RALYL: variants seen among roughly 807,000 people sequenced by gnomAD.
The protein encoded by RALYL is RALY RNA binding protein like.
RALYL carries 29 observed loss-of-function variants against 35.1 expected under a neutral mutation model. That is an observed-to-expected ratio of 0.83 (90% CI 0.61 to 1.13). The LOEUF (loss-of-function observed/expected upper bound fraction) is 1.13, where lower values mean the gene tolerates loss of function less well. Among genes scored for constraint, RALYL ranks in the 50% most tolerant of loss-of-function variants. The pLI is 0.00. For synonymous variants in RALYL, 120 were observed against 127.6 expected (o/e 0.94, Z 0.40); for missense variants, 359 against 360.4 (o/e 1.00, Z 0.03).
chr8:84,757,827 C>A (rs531533520), intron 2 of RALYL, among the ~76,000 whole-genome samples: 3 of 152,118 alleles, frequency 2.0e-5, no homozygotes, highest in Non-Finnish European at 4.4e-5. Flanking sequence ...ATATGGTAGG[C>A]TGGAAGTCAT....
chr8:84,687,957 A>G (rs535585757), intron 2 of RALYL, among the ~76,000 whole-genome samples: 7 of 152,120 alleles, frequency 4.6e-5, no homozygotes, highest in South Asian at 2.1e-4. Flanking sequence ...CAGAAATAAT[A>G]TGAGAAAGAT....
At chr8:84,754,491 A>C (rs1810902585) in intron 2 of RALYL, among the ~76,000 whole-genome samples, 1 of 152,300 alleles carries the variant, frequency 6.6e-6, no homozygotes, top group East Asian at 1.9e-4. Context: ...TTCTCCAGGT[A>C]GCATCAGATA....
intron 2 of RALYL, among the ~76,000 whole-genome samples, chr8:84,715,098 A>G (rs1417745118): frequency 1.3e-5 from 2 of 151,968 alleles, no homozygotes; most frequent in African/African-American, 2.4e-5. Flanking sequence ...TATTATAAGC[A>G]TTTGAATTCT....
At chr8:84,691,099 A>C (rs1438080242) in intron 2 of RALYL, among the ~76,000 whole-genome samples, 1 of 152,114 alleles carries the variant, frequency 6.6e-6, no homozygotes, top group Non-Finnish European at 1.5e-5. Flanking sequence ...TGTTTGAAGA[A>C]TTTCCACATG....
At chr8:84,585,552 A>G (rs1023011014) in intron 2 of RALYL, among the ~76,000 whole-genome samples, 4 of 152,110 alleles carry the variant, frequency 2.6e-5, no homozygotes, top group Admixed American at 2.0e-4. Flanking sequence ...TTCAATAATT[A>G]TTGTTTTTCA....
intron 4 of RALYL, among the ~76,000 whole-genome samples, chr8:84,840,371 G>T (rs1360735542): frequency 6.6e-6 from 1 of 152,196 alleles, no homozygotes; most frequent in Non-Finnish European, 1.5e-5. Flanking sequence ...GGGTATCAGT[G>T]ATGGAAGATC....
intron 1 of RALYL, among the ~76,000 whole-genome samples, chr8:84,248,812 TG>T (rs1417906688): frequency 6.6e-6 from 1 of 152,110 alleles, no homozygotes; most frequent in African/African-American, 2.4e-5. Flanking sequence ...AGTTTCATTT[TG>T]TGGAAGGATT....
At chr8:84,678,367 G>T (rs1834651469) in intron 2 of RALYL, among the ~76,000 whole-genome samples, 1 of 152,014 alleles carries the variant, frequency 6.6e-6, no homozygotes, top group African/African-American at 2.4e-5. Flanking sequence ...AGGTTCAAGC[G>T]ATTCTCCTGC....
intron 2 of RALYL, among the ~76,000 whole-genome samples, chr8:84,654,056 G>A (rs1054147695): frequency 6.1e-5 from 9 of 148,110 alleles, no homozygotes; most frequent in Admixed American, 3.4e-4. Flanking sequence ...TTGTGGATAC[G>A]TAGTATATGT....
chr8:84,663,842 T>C (rs1236125701), intron 2 of RALYL, among the ~76,000 whole-genome samples: 3 of 152,206 alleles, frequency 2.0e-5, no homozygotes, highest in African/African-American at 7.2e-5. Context: ...TTTTCAATTT[T>C]TGCTTTTGTT....
chr8:84,431,471 T>C (rs1587185673), intron 1 of RALYL, among the ~76,000 whole-genome samples: 1 of 152,092 alleles, frequency 6.6e-6, no homozygotes, highest in African/African-American at 2.4e-5. Flanking sequence ...AGGATGGCTA[T>C]TATCAAAAAA....
At chr8:84,468,050 A>G (rs1276098359) in intron 1 of RALYL, among the ~76,000 whole-genome samples, 1 of 148,870 alleles carries the variant, frequency 6.7e-6, no homozygotes, top group East Asian at 1.9e-4. Context: ...TGCATGTGAG[A>G]TGGGTTTCCT....
chr8:84,505,501 G>A (rs1300937331), intron 1 of RALYL, among the ~76,000 whole-genome samples: 1 of 151,818 alleles, frequency 6.6e-6, no homozygotes, highest in African/African-American at 2.4e-5. Context: ...TAGAGGAAAG[G>A]AAATAACTAA....
intron 1 of RALYL, among the ~76,000 whole-genome samples, chr8:84,407,954 G>A (rs1336229056): frequency 6.6e-6 from 1 of 151,960 alleles, no homozygotes; most frequent in East Asian, 1.9e-4. Flanking sequence ...GGCAAGACTA[G>A]AATATAAATC....
At chr8:84,348,687 T>C (rs1371341811) in intron 1 of RALYL, among the ~76,000 whole-genome samples, 1 of 152,122 alleles carries the variant, frequency 6.6e-6, no homozygotes, top group Non-Finnish European at 1.5e-5. Context: ...CAAAAGGTAT[T>C]CAATTTAAAA....
intron 1 of RALYL, among the ~76,000 whole-genome samples, chr8:84,295,990 G>T (rs888307706): frequency 6.6e-6 from 1 of 152,066 alleles, no homozygotes; most frequent in Non-Finnish European, 1.5e-5. Flanking sequence ...GCTACTTCTG[G>T]TGAATAGTAT....
intron 2 of RALYL, among the ~76,000 whole-genome samples, chr8:84,606,275 A>G (rs1225346292): frequency 6.6e-6 from 1 of 152,116 alleles, no homozygotes; most frequent in Non-Finnish European, 1.5e-5. Context: ...AGAGTTTACT[A>G]ATTTCTTCAA....
At chr8:84,631,327 G>A (rs1489454461) in intron 2 of RALYL, among the ~76,000 whole-genome samples, 2 of 151,902 alleles carry the variant, frequency 1.3e-5, no homozygotes, top group Non-Finnish European at 2.9e-5. Context: ...TTTATTTTTT[G>A]TGGGTTCATA....
At chr8:84,482,454 A>G (rs1230636321) in intron 1 of RALYL, among the ~76,000 whole-genome samples, 1 of 152,026 alleles carries the variant, frequency 6.6e-6, no homozygotes, top group Non-Finnish European at 1.5e-5. Context: ...TAAACTGTTA[A>G]ATAATTGTCC....
Sources: gnomAD v4.1 joint callset for allele counts (sites outside exome capture counted in the v4.1 genomes callset) on GRCh38, gnomAD v4.1.1 for gene constraint, MANE v1.5 for transcripts, NCBI Gene and HGNC (gene_info 2026-07-23, HGNC 2026-07-21) for gene names.